KATNIP: variants seen among roughly 807,000 people sequenced by gnomAD.
KATNIP encodes the protein katanin interacting protein, also known as katanin-interacting protein.
A neutral mutation model predicts 174.0 loss-of-function variants in KATNIP; 126 were observed. The ratio of observed to expected loss-of-function variants is 0.72; its 90% CI spans 0.63 to 0.84. The LOEUF (loss-of-function observed/expected upper bound fraction) is 0.84. Among genes scored for constraint, KATNIP ranks in the 40% least tolerant of loss-of-function variants. KATNIP has a pLI of 0.00. For synonymous variants in KATNIP, 810 were observed against 835.7 expected (o/e 0.97, Z 0.53); for missense variants, 1,958 against 2,109.7 (o/e 0.93, Z 1.41).
intron 13 of KATNIP, among the ~76,000 whole-genome samples, chr16:27,709,984 C>A (rs1567331026): frequency 6.6e-6 from 1 of 152,128 alleles, no homozygotes; most frequent in Non-Finnish European, 1.5e-5. Context: ...GGGCCAGGAC[C>A]CTTGCCCACA....
At chr16:27,670,385 T>C (rs1275194010) in intron 6 of KATNIP, among the ~76,000 whole-genome samples, 1 of 152,246 alleles carries the variant, frequency 6.6e-6, no homozygotes. Context: ...CATTAGACCT[T>C]TGATCACAGC....
intron 6 of KATNIP, among the ~76,000 whole-genome samples, chr16:27,655,201 T>TGG (rs1567260043): frequency 1.8e-5 from 2 of 112,410 alleles, no homozygotes; most frequent in African/African-American, 8.2e-5. Flanking sequence ...TATATATATA[T>TGG]ATATATATAT....
intron 18 of KATNIP, chr16:27,757,562 C>T (rs2081783768): frequency 1.0e-6 from 1 of 981,290 alleles, no homozygotes; most frequent in Admixed American, 6.1e-5. Flanking sequence ...ATTTCAGTGC[C>T]TTTGGGAATT....
At chr16:27,682,343 A>G (rs1424257735) in intron 8 of KATNIP, among the ~76,000 whole-genome samples, 2 of 152,192 alleles carry the variant, frequency 1.3e-5, no homozygotes, top group Non-Finnish European at 2.9e-5. Flanking sequence ...AATTGTCCCC[A>G]TTTCACAGAC....
intron 19 of KATNIP, among the ~76,000 whole-genome samples, chr16:27,763,619 CAAAAAAAAAA>C (rs565418198): frequency 4.9e-4 from 25 of 50,710 alleles, no homozygotes; most frequent in African/African-American, 1.7e-3. Flanking sequence ...TGTCTCAACA[CAAAAAAAAAA>C]AAAAAAAAAG....
In KATNIP at chr16:27,678,011, G is replaced by A. The variant is rs753931114; in HGVS notation, c.808+15G>A. 31 of 1,608,196 alleles carry A rather than the reference G, an allele frequency of 1.9e-5. No homozygotes were observed. The highest frequency in any genetic ancestry group is 2.4e-5 in the Non-Finnish European group (28 of 1,175,408). On this transcript the variant is annotated intron_variant, in intron 7 of 27. Coordinates refer to ENST00000261588, the MANE Select transcript of KATNIP (RefSeq NM_015202.5). Reference sequence around the variant, plus strand: ...AGCTTCCAAAAGTGAGCTCTGTCTTGTATATCATTTCTTTGCCATTGGTGT... The same window carrying A: ...AGCTTCCAAAAGTGAGCTCTGTCTTATATATCATTTCTTTGCCATTGGTGT...
chr16:27,725,023 T>A (rs2080388863), intron 14 of KATNIP, among the ~76,000 whole-genome samples: 2 of 152,134 alleles, frequency 1.3e-5, no homozygotes. Context: ...AAGTGTCAGC[T>A]GGGCCAGAGG....
At chr16:27,621,220 C>T (rs1038689844) in intron 3 of KATNIP, among the ~76,000 whole-genome samples, 1 of 151,904 alleles carries the variant, frequency 6.6e-6, no homozygotes, top group Admixed American at 6.6e-5. Flanking sequence ...GAATTCAAGA[C>T]TGCAGTGAGC....
chr16:27,657,646 T>A (rs2077341740), intron 6 of KATNIP, among the ~76,000 whole-genome samples: 1 of 151,206 alleles, frequency 6.6e-6, no homozygotes, highest in Non-Finnish European at 1.5e-5. Context: ...ACGCAGTGGC[T>A]TATGTCTGTA....
At chr16:27,579,256 T>A (rs927219003) in intron 2 of KATNIP, among the ~76,000 whole-genome samples, 9 of 152,036 alleles carry the variant, frequency 5.9e-5, no homozygotes, top group African/African-American at 2.2e-4. Flanking sequence ...TCAGAGCCAC[T>A]GTGAGGCCAC....
chr16:27,692,197 G>A (rs1235523407), intron 8 of KATNIP, among the ~76,000 whole-genome samples: 2 of 152,164 alleles, frequency 1.3e-5, no homozygotes, highest in Admixed American at 6.5e-5. Flanking sequence ...TGCACCCCAC[G>A]TGTCAGGTGC....
intron 6 of KATNIP, among the ~76,000 whole-genome samples, chr16:27,656,903 A>G (rs2077310789): frequency 1.3e-5 from 2 of 151,416 alleles, no homozygotes; most frequent in Admixed American, 1.3e-4. Flanking sequence ...TAACCTGCAC[A>G]ATGTGCACAT....
At chr16:27,642,771 T>TTC (rs1457753641) in intron 5 of KATNIP, among the ~76,000 whole-genome samples, 2 of 43,900 alleles carry the variant, frequency 4.6e-5, no homozygotes, top group African/African-American at 7.1e-5. Flanking sequence ...TTTAAAAAAT[T>TTC]TTTTTTTTTT....
intron 1 of KATNIP, among the ~76,000 whole-genome samples, chr16:27,560,117 A>G (rs148423088): frequency 0.01 from 1,582 of 152,144 alleles, 43 homozygotes; most frequent in African/African-American, 0.036. Flanking sequence ...CCCCGTCTCC[A>G]CTAAAAATAC....
At chr16:27,633,826 G>C (rs1166363429) in intron 5 of KATNIP, among the ~76,000 whole-genome samples, 1 of 152,170 alleles carries the variant, frequency 6.6e-6, no homozygotes, top group East Asian at 1.9e-4. Flanking sequence ...AGGGCAGGCT[G>C]GGATTTGAAC....
chr16:27,663,135 CTTTTTCTTTTCTTCTTCTTTTTTTTTTT>C (rs1316178839), intron 6 of KATNIP, among the ~76,000 whole-genome samples: 1 of 113,684 alleles, frequency 8.8e-6, no homozygotes, highest in African/African-American at 3.2e-5. Flanking sequence ...TTTATTTTTT[CTTTTTCTTTTCTTCTTCTTTTTTTTTTT>C]TTTTTTTTTT....
intron 5 of KATNIP, 57 bp from the exon 6 acceptor site, chr16:27,648,547 G>A (rs1029029192): frequency 8.1e-6 from 13 of 1,601,166 alleles, no homozygotes; most frequent in African/African-American, 5.4e-5. Flanking sequence ...TCCCTGCCCC[G>A]CAGAGGAATG....
chr16:27,728,536 T>C (rs148036093), intron 14 of KATNIP, among the ~76,000 whole-genome samples: 2 of 152,328 alleles, frequency 1.3e-5, no homozygotes, highest in African/African-American at 4.8e-5. Context: ...GTTCAAGCAG[T>C]TCTCCTGCCT....
At chr16:27,581,405 A>AT (rs540767875) in intron 2 of KATNIP, among the ~76,000 whole-genome samples, 1,809 of 151,938 alleles carry the variant, frequency 0.012, 30 homozygotes, top group African/African-American at 0.041. Context: ...GGATAGAGCT[A>AT]TTTTTTTTCC....
Sources: gnomAD v4.1 joint callset for allele counts (sites outside exome capture counted in the v4.1 genomes callset) on GRCh38, gnomAD v4.1.1 for gene constraint, MANE v1.5 for transcripts, NCBI Gene and HGNC (gene_info 2026-07-23, HGNC 2026-07-21) for gene names.